The following ITSN1 variants were observed in gnomAD, a reference collection of about 807,000 sequenced individuals.
ITSN1 encodes the protein intersectin-1.
A neutral mutation model predicts 239.8 loss-of-function variants in ITSN1; 58 were observed. The ratio of observed to expected loss-of-function variants is 0.24; its 90% CI spans 0.20 to 0.30. The LOEUF is 0.30. Among genes scored for constraint, ITSN1 ranks in the 10% least tolerant of loss-of-function variants. The pLI, the probability that ITSN1 is intolerant of heterozygous loss-of-function variation, is 1.00. For missense variants in ITSN1, 1,558 were observed against 2,103.3 expected (o/e 0.74, Z 5.07); for synonymous variants, 780 against 770.8 (o/e 1.01, Z -0.20).
At position 33,767,837 on chromosome 21, in the gene ITSN1, G is replaced by C; in HGVS notation, c.1042+9G>C. ...AGAAAAGAAATTACCTGGTAAGGCA[G>C]CCTTTATGTTGAGTTAAATCATTTA... is the stretch of plus-strand genomic sequence containing the variant. On this transcript the variant is annotated intron_variant, in intron 11 of 39. Transcript: ENST00000381318. The C allele has an allele frequency of 7.0e-7, 1 of 1,431,412 alleles. No individual in the cohort carries two copies. Among genetic ancestry groups the C allele is most frequent in the Non-Finnish European group, 9.8e-7 (1 of 1,016,050 alleles). 88.7% of individuals were successfully genotyped at this position (1,431,412 alleles called of 1,614,324 possible).
rs8128590 is a variant in ITSN1 at position 33,882,149 on chromosome 21, T to G, written c.4342-94T>G. ...TTGACTTTTGCCTGAGATCCGAGTC[T>G]GCTGGGGCCTGGCCTCTGATTCTGA... On this transcript the variant is annotated intron_variant, in intron 34 of 39. Coordinates refer to ENST00000381318, the MANE Select transcript of ITSN1 (RefSeq NM_003024.3). The surrounding 1 kb of genome is among the most constrained non-coding windows in gnomAD (Gnocchi z 4.5). The G allele has an allele frequency of 0.11, 121,089 of 1,069,086 alleles. 10,468 individuals carry two copies. The highest frequency in any genetic ancestry group is 0.42 in the African/African-American group (26,664 of 63,370). 66.2% of individuals were successfully genotyped at this position (1,069,086 alleles called of 1,614,324 possible). A position where few individuals can be genotyped will look rare whatever the true frequency, so the allele number is the denominator to read the frequency against.
At chr21:33,872,088 A>C (rs1381870139) in intron 33 of ITSN1, among the ~76,000 whole-genome samples, 1 of 152,262 alleles carries the variant, frequency 6.6e-6, no homozygotes, top group African/African-American at 2.4e-5. Flanking sequence ...AATACATAAC[A>C]AAACAAGAAA....
chr21:33,746,882 G>A (rs752541630), intron 5 of ITSN1, among the ~76,000 whole-genome samples: 11 of 151,356 alleles, frequency 7.3e-5, no homozygotes, highest in East Asian at 2.0e-4. Flanking sequence ...GGCTGGGAGC[G>A]GTGGCTCACG....
intron 1 of ITSN1, among the ~76,000 whole-genome samples, chr21:33,690,824 TATATATATA>T (rs1568947071): frequency 3.1e-4 from 14 of 45,148 alleles, no homozygotes; most frequent in Non-Finnish European, 5.1e-4. Context: ...TGTATATATA[TATATATATA>T]TATATGTAAA....
intron 29 of ITSN1, among the ~76,000 whole-genome samples, chr21:33,853,758 C>T (rs957592211): frequency 6.6e-6 from 1 of 152,208 alleles, no homozygotes; most frequent in African/African-American, 2.4e-5. Flanking sequence ...TTTAGCAGCC[C>T]TGGCCAGCCT....
At chr21:33,643,019 G>A (rs2146000709) in intron 1 of ITSN1, among the ~76,000 whole-genome samples, 1 of 149,318 alleles carries the variant, frequency 6.7e-6, no homozygotes, top group Non-Finnish European at 1.5e-5. Context: ...TGGGCGCCGC[G>A]GCCCCGCCGC....
At chr21:33,649,822 C>G (rs375352252) in intron 1 of ITSN1, among the ~76,000 whole-genome samples, 3 of 151,908 alleles carry the variant, frequency 2.0e-5, no homozygotes, top group African/African-American at 7.3e-5. Flanking sequence ...TGAGACCAGC[C>G]TGGCCAACAT....
chr21:33,806,397 G>A (rs2072454332), intron 20 of ITSN1, among the ~76,000 whole-genome samples: 1 of 152,172 alleles, frequency 6.6e-6, no homozygotes, highest in Non-Finnish European at 1.5e-5. Flanking sequence ...GTTCTATGAG[G>A]GGAAAAAGGA....
intron 21 of ITSN1, among the ~76,000 whole-genome samples, chr21:33,811,828 C>G (rs1407171722): frequency 1.3e-5 from 2 of 152,096 alleles, no homozygotes; most frequent in African/African-American, 4.8e-5. Context: ...GTTCAGACTT[C>G]CAGTTATAGG....
chr21:33,731,290 CA>C (rs2066169679), intron 4 of ITSN1, among the ~76,000 whole-genome samples: 1 of 152,266 alleles, frequency 6.6e-6, no homozygotes, highest in Non-Finnish European at 1.5e-5. Flanking sequence ...CACCAGAGAC[CA>C]TACTGGGCAG....
intron 29 of ITSN1, among the ~76,000 whole-genome samples, chr21:33,853,957 A>C (rs2268255): frequency 0.67 from 101,283 of 152,106 alleles, 35,242 homozygotes; most frequent in East Asian, 0.79. Context: ...CCAGGTTCTT[A>C]GCTATGCCCT....
rs527495950 is a variant in ITSN1 at position 33,772,349 on chromosome 21, C to T, written c.1305+26C>T. 121 of 1,549,146 alleles carry T rather than the reference C, an allele frequency of 7.8e-5. No homozygotes were observed. The South Asian group carries it at 1.0e-3, about 13-fold the overall frequency. ...GTAAGCAGGCGAGAGTGGAGCCACCCGGAGTTAGTGTGCGATCACCCCTTT... is the reference window on the plus strand; with the variant it reads ...GTAAGCAGGCGAGAGTGGAGCCACCTGGAGTTAGTGTGCGATCACCCCTTT... On this transcript the variant is annotated intron_variant, in intron 12 of 39. Coordinates refer to ENST00000381318, the MANE Select transcript of ITSN1 (RefSeq NM_003024.3).
At position 33,894,216 on chromosome 21, in the gene ITSN1, G is replaced by T. The variant is rs1266438250; in HGVS notation, c.*5916G>T. On this transcript the variant is annotated 3_prime_UTR_variant, in exon 40 of 40. Coordinates refer to ENST00000381318, the MANE Select transcript of ITSN1 (RefSeq NM_003024.3). Reference sequence around the variant, plus strand: ...AAAATAAGACCCAACGCTTATAAAAGAGTTCATATCCACCTCCCAATAACT... The same window carrying T: ...AAAATAAGACCCAACGCTTATAAAATAGTTCATATCCACCTCCCAATAACT... The T allele has an allele frequency of 6.6e-6, 1 of 152,192 alleles. No homozygotes were observed. Among genetic ancestry groups the T allele is most frequent in the East Asian group, 1.9e-4 (1 of 5,202 alleles). 9.4% of individuals were successfully genotyped at this position (152,192 alleles called of 1,614,324 possible).
rs992541548 is a variant in ITSN1, at chr21:33,898,300, A to G, written c.*10000A>G. Reference sequence around the variant, plus strand: ...TCCTGATGCATCCTCACTGTCTTCAACTGTTGCATAGCCAGGTGGGTGGAT... The same window carrying G: ...TCCTGATGCATCCTCACTGTCTTCAGCTGTTGCATAGCCAGGTGGGTGGAT... On this transcript the variant is annotated 3_prime_UTR_variant, in exon 40 of 40. Coordinates refer to ENST00000381318, the MANE Select transcript of ITSN1 (RefSeq NM_003024.3). 6.6e-6 allele frequency: 1 copy of G among 152,214 alleles called. No individual in the cohort carries two copies. Among genetic ancestry groups the G allele is most frequent in the African/African-American group, 2.4e-5 (1 of 41,450 alleles). 9.4% of individuals were successfully genotyped at this position (152,214 alleles called of 1,614,324 possible).
chr21:33,736,017 A>G (rs1401522689), intron 5 of ITSN1, among the ~76,000 whole-genome samples: 1 of 152,196 alleles, frequency 6.6e-6, no homozygotes, highest in Non-Finnish European at 1.5e-5. Context: ...GATTCCATAA[A>G]AAATTATCTT....
At position 33,865,375 on chromosome 21, in the gene ITSN1, C is replaced by T. The variant is rs375241959; in HGVS notation, c.4074+41C>T. The T allele has an allele frequency of 2.5e-5, 36 of 1,443,964 alleles. No individual in the cohort carries two copies. In the African/African-American group the frequency reaches 3.0e-4, roughly 12 times the overall value. 89.4% of individuals were successfully genotyped at this position (1,443,964 alleles called of 1,614,324 possible). A position where few individuals can be genotyped will look rare whatever the true frequency, so the allele number is the denominator to read the frequency against. On this transcript the variant is annotated intron_variant, in intron 32 of 39. Coordinates refer to ENST00000381318, the MANE Select transcript of ITSN1 (RefSeq NM_003024.3). The surrounding 1 kb of genome is among the most constrained non-coding windows in gnomAD (Gnocchi z 4.4). ...GTGCAGAGACTGGGCCCCAGAGTGG[C>T]GATCTTTGGGCAGCTGGATGTGTGA...
At chr21:33,777,151 A>C (rs2069701855) in intron 14 of ITSN1, among the ~76,000 whole-genome samples, 1 of 152,226 alleles carries the variant, frequency 6.6e-6, no homozygotes, top group African/African-American at 2.4e-5. Context: ...TTTTGCAGAT[A>C]GTATAAGGTA....
At chr21:33,749,142 C>T (rs939965569) in intron 5 of ITSN1, among the ~76,000 whole-genome samples, 1 of 151,844 alleles carries the variant, frequency 6.6e-6, no homozygotes, top group Non-Finnish European at 1.5e-5. Context: ...GCGGGTACCA[C>T]CATGCCTGGC....
chr21:33,833,621 A>G (rs1333559260), intron 27 of ITSN1, among the ~76,000 whole-genome samples: 1 of 152,184 alleles, frequency 6.6e-6, no homozygotes, highest in Non-Finnish European at 1.5e-5. Context: ...TAATCCCAGC[A>G]CTTTGGGAGG....
Sources: allele counts gnomAD v4.1 joint callset (sites outside exome capture counted in the v4.1 genomes callset), GRCh38; gene constraint gnomAD v4.1.1; non-coding constraint Gnocchi (gnomAD v3.1); transcripts MANE v1.5; gene names NCBI Gene and HGNC (gene_info 2026-07-23, HGNC 2026-07-21).